LZTS1: variants seen among roughly 807,000 people sequenced by gnomAD.
The protein encoded by LZTS1 is leucine zipper tumor suppressor 1.
Under a neutral mutation model 45.8 loss-of-function variants are expected in LZTS1, and 31 were observed. That is an observed-to-expected ratio of 0.68 (90% CI 0.51 to 0.91). LZTS1 has a LOEUF of 0.91. Among genes scored for constraint, LZTS1 ranks in the 40% least tolerant of loss-of-function variants. LZTS1 has a pLI of 0.00. For missense variants in LZTS1, 821 were observed against 788.9 expected (o/e 1.04, Z -0.49); for synonymous variants, 359 against 357.3 (o/e 1.00, Z -0.05).
rs570864415 is a variant in LZTS1, at chr8:20,254,700, G to A, written c.345+137C>T. 12 of 696,092 alleles carry A rather than the reference G, an allele frequency of 1.7e-5. No individual in the cohort carries two copies. The Admixed American group carries it at 1.8e-4, about 10-fold the overall frequency. The allele number at this position is 696,092 out of a possible 1,614,324, so 43.1% of individuals were successfully genotyped here. ...TGCGGTGTGGCCACAGGCTTCCGCC[G>A]GCACCCCTGCCGCTCTGGTTTTGAG... On this transcript the variant is annotated intron_variant, in intron 2 of 3. Transcript: ENST00000381569.
In LZTS1 at chr8:20,253,360, A is replaced by G; in HGVS notation, c.571T>C (p.Tyr191His). 6.2e-7 allele frequency: 1 copy of G among 1,613,546 alleles called. No individual in the cohort carries two copies. The highest frequency in any genetic ancestry group is 8.5e-7 in the Non-Finnish European group (1 of 1,179,782). Residue 191 changes from tyrosine (Y) to histidine (H), a missense_variant, in exon 3 of 4, where the codon TAC becomes CAC. Physicochemically the swap from Tyr to His is moderately conservative, Grantham distance 83. Coordinates refer to ENST00000381569, the MANE Select transcript of LZTS1 (RefSeq NM_021020.5). ...GGTGTGACCAGCGGGTCCAGCTGGT[A>G]GCTGCTGCTGGTGCTGTGTGTGGGC... Reference protein sequence around the residue: ...SLPTHSTSSSYQLDPLVTPVG... With the variant: ...SLPTHSTSSSHQLDPLVTPVG...
At chr8:20,280,619 G>C (rs906536489) in intron 1 of LZTS1, among the ~76,000 whole-genome samples, 100 of 152,214 alleles carry the variant, frequency 6.6e-4, no homozygotes, top group African/African-American at 2.3e-3. Context: ...AATAGCTGGG[G>C]AGTCGATTGC....
At position 20,254,859 on chromosome 8, in the gene LZTS1, G is replaced by A. The variant is rs1273967027; in HGVS notation, c.323C>T (p.Pro108Leu). The change falls in exon 2 of 4, where the codon CCC becomes CTC. Residue 108 changes from proline to leucine, a missense_variant. Transcript: ENST00000381569. ...FDPSTPPKLM[P>L]FSNQLEMGSE... ...TACCATTTCTAGCTGATTGGAGAAG[G>A]GCATGAGCTTGGGGGGTGTGGACGG... 1.2e-6 allele frequency: 2 copies of A among 1,611,638 alleles called. No homozygotes were observed. The highest frequency in any genetic ancestry group is 1.7e-6 in the Non-Finnish European group (2 of 1,178,236).
chr8:20,273,618 G>C (rs962948766), intron 1 of LZTS1, among the ~76,000 whole-genome samples: 9 of 152,042 alleles, frequency 5.9e-5, no homozygotes, highest in Non-Finnish European at 8.8e-5. Flanking sequence ...AGGAACTTTT[G>C]ATTCCCACTC....
chr8:20,282,155 T>C (rs186038467), intron 1 of LZTS1, among the ~76,000 whole-genome samples: 2 of 152,312 alleles, frequency 1.3e-5, no homozygotes, highest in East Asian at 1.9e-4. Context: ...TTGACAGCCA[T>C]GGGGTTCTTG....
rs1156948376 is a variant in LZTS1 at position 20,249,959 on chromosome 8, A to T, written c.1554T>A (p.His518Gln). The change falls in exon 4 of 4, where the codon CAT becomes CAA. Residue 518 changes from histidine to glutamine, a missense_variant. Physicochemically the swap from His to Gln is conservative, Grantham distance 24. Coordinates refer to ENST00000381569, the MANE Select transcript of LZTS1 (RefSeq NM_021020.5). ...GCTGGAAGCCCGAGGACATCTGGTC[A>T]TGGCCTTGCCGCTCCTCCCGCAGCT... is the stretch of plus-strand genomic sequence containing the variant. ...RAELREERQG[H>Q]DQMSSGFQHE... is the part of the protein sequence containing the mutation. 1 of 1,614,070 alleles carries T rather than the reference A, an allele frequency of 6.2e-7. No individual in the cohort carries two copies. The highest frequency in any genetic ancestry group is 8.5e-7 in the Non-Finnish European group (1 of 1,179,988).
chr8:20,271,836 G>T (rs1487812788), intron 1 of LZTS1, among the ~76,000 whole-genome samples: 3 of 152,220 alleles, frequency 2.0e-5, no homozygotes, highest in Non-Finnish European at 4.4e-5. Flanking sequence ...GGTGCACAGC[G>T]GCTGCTGGAC....
intron 1 of LZTS1, among the ~76,000 whole-genome samples, chr8:20,273,742 T>C (rs559749988): frequency 3.1e-4 from 47 of 151,896 alleles, no homozygotes; most frequent in Middle Eastern, 3.4e-3. Flanking sequence ...GTTGCTATCA[T>C]AGTTCCCTTG....
intron 1 of LZTS1, among the ~76,000 whole-genome samples, chr8:20,280,617 G>A (rs1008372273): frequency 2.6e-5 from 4 of 152,186 alleles, no homozygotes; most frequent in African/African-American, 9.7e-5. Flanking sequence ...TTAATAGCTG[G>A]GGAGTCGATT....
At chr8:20,265,955 A>G (rs1585287285) in intron 1 of LZTS1, among the ~76,000 whole-genome samples, 1 of 152,282 alleles carries the variant, frequency 6.6e-6, no homozygotes, top group East Asian at 1.9e-4. Flanking sequence ...GAAGGCAGAT[A>G]GCACTAAAGC....
chr8:20,295,826 C>T (rs1452126098), intron 1 of LZTS1, among the ~76,000 whole-genome samples: 1 of 152,128 alleles, frequency 6.6e-6, no homozygotes, highest in Non-Finnish European at 1.5e-5. Flanking sequence ...TGTCTCCTCC[C>T]ACTGAGCCAG....
chr8:20,247,668 G>T lies in LZTS1; in HGVS notation c.*2054C>A, dbSNP rs1799771805. ...CAGGATGGGCACCGTTTAACCTCAG[G>T]GACAGGAAGGTAGAGCCAGCCACAG... On this transcript the variant is annotated 3_prime_UTR_variant, in exon 4 of 4. Transcript: ENST00000381569. The T allele has an allele frequency of 6.6e-6, 1 of 152,356 alleles. No individual in the cohort carries two copies. The highest frequency in any genetic ancestry group is 1.5e-5 in the Non-Finnish European group (1 of 68,192). 9.4% of individuals were successfully genotyped at this position (152,356 alleles called of 1,614,324 possible).
chr8:20,280,824 T>G (rs745924438), intron 1 of LZTS1, among the ~76,000 whole-genome samples: 7 of 152,086 alleles, frequency 4.6e-5, no homozygotes, highest in Non-Finnish European at 1.0e-4. Context: ...CTCCCTACCT[T>G]CCACCTGGAC....
Position 20,250,290 on chromosome 8 carries a change from T to C in LZTS1, c.1223A>G (p.Lys408Arg). ...CTTGAGACCCAGGATCTCGCTAGCC[T>C]TGGCGTTCACCTCCGTCTGGGACTC... Reference protein sequence around the residue: ...LKESQTEVNAKASEILGLKAQ... With the variant: ...LKESQTEVNARASEILGLKAQ... Residue 408 changes from lysine to arginine, a missense_variant, in exon 4 of 4, where the codon AAG (lysine) becomes AGG (arginine). Transcript: ENST00000381569. 6.2e-7 allele frequency: 1 copy of C among 1,613,804 alleles called. No individual in the cohort carries two copies. The highest frequency in any genetic ancestry group is 8.5e-7 in the Non-Finnish European group (1 of 1,179,946).
chr8:20,292,842 G>A (rs528150681), intron 1 of LZTS1, among the ~76,000 whole-genome samples: 1 of 152,292 alleles, frequency 6.6e-6, no homozygotes, highest in East Asian at 1.9e-4. Context: ...GCTCTGCCAT[G>A]TCCCTCAGCC....
chr8:20,259,891 T>C (rs1250643572), intron 1 of LZTS1, among the ~76,000 whole-genome samples: 2 of 152,178 alleles, frequency 1.3e-5, no homozygotes, highest in African/African-American at 4.8e-5. Context: ...AATCTTATTA[T>C]TTTTTATTTA....
At chr8:20,269,530 C>T (rs1400396807) in intron 1 of LZTS1, among the ~76,000 whole-genome samples, 2 of 152,194 alleles carry the variant, frequency 1.3e-5, no homozygotes, top group Admixed American at 1.3e-4. Context: ...CCGACATGAA[C>T]CAACAGGGCC....
rs1451425545 is a variant in LZTS1, at chr8:20,248,073, C to G, written c.*1649G>C. 6.6e-6 allele frequency: 1 copy of G among 152,000 alleles called. No individual in the cohort carries two copies. The highest frequency in any genetic ancestry group is 1.9e-4 in the East Asian group (1 of 5,176). The allele number at this position is 152,000 out of a possible 1,614,324, so 9.4% of individuals were successfully genotyped here. On this transcript the variant is annotated 3_prime_UTR_variant, in exon 4 of 4. Coordinates refer to ENST00000381569, the MANE Select transcript of LZTS1 (RefSeq NM_021020.5). ...GTGGCTCACATCTGCAATCTCAGCA[C>G]TTTGGGAGGCCAAGGCAGGTGGATT...
rs116258198 is a variant in LZTS1, at chr8:20,297,664, C to T, written c.-135+6076G>A. On this transcript the variant is annotated intron_variant, in intron 1 of 3. Transcript: ENST00000381569. ...CTCCTGACCTCTGGTGATCGGCTCACCTTGGCCTCCTAAATTGCTGGGATT... is the reference window on the plus strand; with the variant it reads ...CTCCTGACCTCTGGTGATCGGCTCATCTTGGCCTCCTAAATTGCTGGGATT... 7.2e-3 allele frequency among the ~76,000 whole-genome samples: 1,103 copies of T among 152,264 alleles called. 16 individuals carry two copies. The highest frequency in any genetic ancestry group is 0.025 in the African/African-American group (1,055 of 41,544).
Sources: gnomAD v4.1 joint callset for allele counts (sites outside exome capture counted in the v4.1 genomes callset) on GRCh38, gnomAD v4.1.1 for gene constraint, MANE v1.5 for transcripts, NCBI Gene and HGNC (gene_info 2026-07-23, HGNC 2026-07-21) for gene names.